Variants in ADAM17 observed in about 807,000 individuals in gnomAD.
The protein encoded by ADAM17 is ADAM metallopeptidase domain 17, also known as disintegrin and metalloproteinase domain-containing protein 17.
A neutral mutation model predicts 96.7 loss-of-function variants in ADAM17; 39 were observed. That is an observed-to-expected ratio of 0.40 (90% CI 0.31 to 0.53). The LOEUF (loss-of-function observed/expected upper bound fraction) is 0.53, where lower values mean the gene tolerates loss of function less well. ADAM17 is among the 20% of genes least tolerant of loss of function. ADAM17 has a pLI of 0.44. For missense variants in ADAM17, 777 were observed against 1,013.2 expected (o/e 0.77, Z 3.17); for synonymous variants, 344 against 359.2 (o/e 0.96, Z 0.48).
chr2:9,500,720 A>G lies in ADAM17; in HGVS notation c.1648+1453T>C, dbSNP rs150882882. On this transcript the variant is annotated intron_variant, in intron 13 of 18. Coordinates refer to ENST00000310823, the MANE Select transcript of ADAM17 (RefSeq NM_003183.6). ...ACAATTTAAGTCAAAAAACATCGCA[A>G]GGGTAAAAAAGGAACATTATATACT... 6.1e-4 allele frequency among the ~76,000 whole-genome samples: 93 copies of G among 152,346 alleles called. 2 individuals are homozygous for G. The highest frequency in any genetic ancestry group is 2.0e-3 in the African/African-American group (85 of 41,590).
intron 1 of ADAM17, among the ~76,000 whole-genome samples, chr2:9,544,850 G>C (rs546652315): frequency 9.2e-5 from 14 of 152,114 alleles, no homozygotes; most frequent in Non-Finnish European, 1.3e-4. Flanking sequence ...AAGCCAAAAA[G>C]GGCTATTTTT....
Position 9,555,776 on chromosome 2 carries a change from C to G in ADAM17, c.-171G>C. On this transcript the variant is annotated 5_prime_UTR_variant, in exon 1 of 19. Coordinates refer to ENST00000310823, the MANE Select transcript of ADAM17 (RefSeq NM_003183.6). Reference sequence around the variant, plus strand: ...ATTCTACCGCCAGGCTCGACGCCCCCAGAAGTGCAGGTGGCGTTACCAAAG... The same window carrying G: ...ATTCTACCGCCAGGCTCGACGCCCCGAGAAGTGCAGGTGGCGTTACCAAAG... 9.6e-6 allele frequency: 5 copies of G among 519,272 alleles called. No individual in the cohort carries two copies. Among genetic ancestry groups the G allele is most frequent in the South Asian group, 7.8e-5 (2 of 25,600 alleles). The allele number at this position is 519,272 out of a possible 1,614,324, so 32.2% of individuals were successfully genotyped here.
At chr2:9,545,108 A>C (rs1665357933) in intron 1 of ADAM17, among the ~76,000 whole-genome samples, 1 of 152,238 alleles carries the variant, frequency 6.6e-6, no homozygotes, top group South Asian at 2.1e-4. Context: ...AGTAGTTCTC[A>C]AAGTGTAGTT....
At chr2:9,502,121 A>G (rs1663039089) in intron 13 of ADAM17, 52 bp downstream of exon 13, 11 of 1,394,066 alleles carry the variant, frequency 7.9e-6, no homozygotes, top group South Asian at 1.2e-5. Context: ...TTTTTCAAAG[A>G]CACACACACA....
intron 11 of ADAM17, among the ~76,000 whole-genome samples, chr2:9,506,359 GTTTTTTTTTT>G (rs769256744): frequency 6.8e-5 from 5 of 73,208 alleles, no homozygotes; most frequent in South Asian, 4.8e-4. Flanking sequence ...CTTCAAATCT[GTTTTTTTTTT>G]TTTTTTTTTT....
At chr2:9,501,286 CTCA>C (rs1489672558) in intron 13 of ADAM17, among the ~76,000 whole-genome samples, 2 of 152,152 alleles carry the variant, frequency 1.3e-5, no homozygotes, top group Non-Finnish European at 2.9e-5. Context: ...TTACTTTATA[CTCA>C]TCATGCTAAT....
chr2:9,554,125 T>C (rs530962528), intron 1 of ADAM17, among the ~76,000 whole-genome samples: 15 of 152,366 alleles, frequency 9.8e-5, no homozygotes, highest in African/African-American at 3.4e-4. Flanking sequence ...ATCTAGAAAG[T>C]AATGTTTCTC....
chr2:9,494,825 GCCT>G (rs1662443948), intron 14 of ADAM17, 58 bp from the exon 15 acceptor site: 5 of 1,595,224 alleles, frequency 3.1e-6, no homozygotes, highest in South Asian at 1.1e-5. Flanking sequence ...CTCTCCTCCT[GCCT>G]CCTCTTTCCT....
At chr2:9,537,905 GAGA>G (rs1665035185) in intron 2 of ADAM17, among the ~76,000 whole-genome samples, 1 of 53,276 alleles carries the variant, frequency 1.9e-5, no homozygotes, top group Admixed American at 1.6e-4. Context: ...GGGAGGGGAG[GAGA>G]GGGGGAGGAG....
chr2:9,493,293 G>A (rs998289784), intron 16 of ADAM17, among the ~76,000 whole-genome samples: 2 of 152,148 alleles, frequency 1.3e-5, no homozygotes, highest in Non-Finnish European at 2.9e-5. Flanking sequence ...AGAAGACAAA[G>A]TTTTTGTTAC....
At chr2:9,516,907 C>T (rs1232739475) in intron 10 of ADAM17, among the ~76,000 whole-genome samples, 1 of 152,108 alleles carries the variant, frequency 6.6e-6, no homozygotes, top group South Asian at 2.1e-4. Flanking sequence ...TTCCACATTC[C>T]GTTGAGGCTA....
chr2:9,497,008 A>G (rs1662661032), intron 14 of ADAM17, 106 bp downstream of exon 14: 2 of 1,514,488 alleles, frequency 1.3e-6, no homozygotes, highest in Non-Finnish European at 8.8e-7. Flanking sequence ...CTCGGCTTGG[A>G]TCTCACCACT....
intron 1 of ADAM17, among the ~76,000 whole-genome samples, chr2:9,555,156 C>G (rs1248221832): frequency 6.6e-6 from 1 of 152,144 alleles, no homozygotes; most frequent in Non-Finnish European, 1.5e-5. Flanking sequence ...TTGTTCCCTA[C>G]TAAGGCAAGA....
chr2:9,552,691 C>T (rs892085844), intron 1 of ADAM17, among the ~76,000 whole-genome samples: 3 of 152,120 alleles, frequency 2.0e-5, no homozygotes, highest in East Asian at 1.9e-4. Context: ...AAAGGGAAAA[C>T]GATTTTGAAA....
Position 9,494,209 on chromosome 2 carries a change from T to C in ADAM17, c.1915-384A>G, listed in dbSNP as rs994637909. ...CCATCATTCTGCATGAGAAAAATTA[T>C]GCTTCTCTAGAGAACAAAAGGGTCT... On this transcript the variant is annotated intron_variant, in intron 15 of 18. Transcript: ENST00000310823. 3.3e-5 allele frequency among the ~76,000 whole-genome samples: 5 copies of C among 152,348 alleles called. No individual in the cohort carries two copies. In the South Asian group the frequency reaches 8.3e-4, roughly 25 times the overall value.
At chr2:9,512,438 T>C (rs1157484222) in intron 10 of ADAM17, 1 of 152,264 alleles carries the variant, frequency 6.6e-6, no homozygotes, top group East Asian at 1.9e-4. Context: ...CCATGGCTCC[T>C]GGCTTACAAC....
rs182942665 is a variant in ADAM17 at position 9,541,332 on chromosome 2, G to A, written c.230+1821C>T. 2.3e-4 allele frequency among the ~76,000 whole-genome samples: 35 copies of A among 152,256 alleles called. No homozygotes were observed. In the East Asian group the frequency reaches 6.6e-3, roughly 29 times the overall value. On this transcript the variant is annotated intron_variant, in intron 2 of 18. Transcript: ENST00000310823. ...AATCCCATCACATTGGGAGCCTGAG[G>A]CAGGTGGATCACCTGAGGTCAGGAG...
At position 9,497,322 on chromosome 2, in the gene ADAM17, G is replaced by C. The variant is rs889588348; in HGVS notation, c.1649-74C>G. 49 of 1,573,966 alleles carry C rather than the reference G, an allele frequency of 3.1e-5. No individual in the cohort carries two copies. In the African/African-American group the frequency reaches 4.9e-4, roughly 16 times the overall value. ...CAGTTCTACAGGTGCATAATACGCT[G>C]TTTCTCATACAAGTGAGCATCTTAC... is the stretch of plus-strand genomic sequence containing the variant. On this transcript the variant is annotated intron_variant, in intron 13 of 18. Transcript: ENST00000310823.
In ADAM17 at chr2:9,522,121, G is replaced by A. The variant is rs370049037; in HGVS notation, c.844-805C>T. ...CCTAAAGCAAAAAGAAAATTTACAG[G>A]TTCCCTGAAACTCAAACATGATGCA... is the stretch of plus-strand genomic sequence containing the variant. On this transcript the variant is annotated intron_variant, in intron 7 of 18. Transcript: ENST00000310823. 2.0e-4 allele frequency: 60 copies of A among 293,372 alleles called. No homozygotes were observed. The East Asian group carries it at 2.6e-3, about 13-fold the overall frequency. The allele number at this position is 293,372 out of a possible 1,614,324, so 18.2% of individuals were successfully genotyped here. A position where few individuals can be genotyped will look rare whatever the true frequency, so the allele number is the denominator to read the frequency against.
Sources: allele counts gnomAD v4.1 joint callset (sites outside exome capture counted in the v4.1 genomes callset), GRCh38; gene constraint gnomAD v4.1.1; transcripts MANE v1.5; gene names NCBI Gene and HGNC (gene_info 2026-07-23, HGNC 2026-07-21).